The following SEMA3A variants were observed in gnomAD, a reference collection of about 807,000 sequenced individuals.
SEMA3A encodes the protein semaphorin-3A.
SEMA3A carries 29 observed loss-of-function variants against 97.9 expected under a neutral mutation model. The ratio of observed to expected loss-of-function variants is 0.30; its 90% CI spans 0.22 to 0.40. SEMA3A has a LOEUF of 0.40. Ranked by LOEUF, SEMA3A falls within the 10% of genes least tolerant of loss-of-function variation. The probability of loss-of-function intolerance (pLI) is 1.00; values close to 1 mark genes in which losing one functional copy is unlikely to be tolerated. For missense variants in SEMA3A, 763 were observed against 951.3 expected, an observed-to-expected ratio of 0.80 and a Z score of 2.60; for synonymous variants, 321 against 323.7, an observed-to-expected ratio of 0.99 and a Z score of 0.09.
At chr7:84,009,724 GGAGGAT>G (rs980144129) in intron 9 of SEMA3A, among the ~76,000 whole-genome samples, 4 of 151,810 alleles carry the variant, frequency 2.6e-5, no homozygotes, top group African/African-American at 9.7e-5. Flanking sequence ...AGAGACTTAG[GGAGGAT>G]GAGAAATAGG....
At chr7:84,432,752 G>A (rs1805014872) in intron 1 of SEMA3A, among the ~76,000 whole-genome samples, 1 of 151,942 alleles carries the variant, frequency 6.6e-6, no homozygotes, top group Non-Finnish European at 1.5e-5. Flanking sequence ...GTATTTCATG[G>A]TGCATATGTG....
chr7:84,259,893 C>G (rs1328763671), intron 3 of SEMA3A, among the ~76,000 whole-genome samples: 1 of 151,322 alleles, frequency 6.6e-6, no homozygotes, highest in African/African-American at 2.4e-5. Context: ...AAAATGAAGG[C>G]AAGCCCCTGG....
chr7:84,318,083 C>A (rs562294182), intron 2 of SEMA3A, among the ~76,000 whole-genome samples: 1 of 151,724 alleles, frequency 6.6e-6, no homozygotes, highest in Non-Finnish European at 1.5e-5. Flanking sequence ...GCAGTTAGTA[C>A]AATATTGCTC....
intron 1 of SEMA3A, among the ~76,000 whole-genome samples, chr7:84,441,625 A>G (rs1049146598): frequency 3.9e-5 from 6 of 152,166 alleles, no homozygotes; most frequent in African/African-American, 1.4e-4. Context: ...TGTTTCAAGA[A>G]AAGATGGCAA....
At chr7:84,026,040 A>G (rs974931294) in intron 6 of SEMA3A, among the ~76,000 whole-genome samples, 1 of 152,358 alleles carries the variant, frequency 6.6e-6, no homozygotes, top group African/African-American at 2.4e-5. Flanking sequence ...GCTACCTTCT[A>G]GCACTACAAA....
intron 3 of SEMA3A, among the ~76,000 whole-genome samples, chr7:84,122,456 T>G (rs1486738525): frequency 6.6e-6 from 1 of 152,044 alleles, no homozygotes; most frequent in African/African-American, 2.4e-5. Flanking sequence ...AAAAAGCTAG[T>G]CAGGGCGTCT....
At chr7:84,093,828 G>A (rs184515216) in intron 4 of SEMA3A, among the ~76,000 whole-genome samples, 1 of 151,814 alleles carries the variant, frequency 6.6e-6, no homozygotes, top group Non-Finnish European at 1.5e-5. Flanking sequence ...GAAAAATAGC[G>A]AAGGCATGCT....
intron 2 of SEMA3A, among the ~76,000 whole-genome samples, chr7:84,323,767 G>A (rs1226058442): frequency 6.6e-6 from 1 of 152,040 alleles, no homozygotes; most frequent in East Asian, 1.9e-4. Context: ...ATCATTCAAG[G>A]TTTATGCAAC....
chr7:84,033,642 T>C (rs865836308), intron 6 of SEMA3A, among the ~76,000 whole-genome samples: 2 of 152,294 alleles, frequency 1.3e-5, no homozygotes, highest in Middle Eastern at 3.4e-3. Context: ...GGATATAAAA[T>C]AATCTATTCA....
chr7:84,049,571 A>C (rs1385603783), intron 5 of SEMA3A, among the ~76,000 whole-genome samples: 1 of 152,120 alleles, frequency 6.6e-6, no homozygotes, highest in Non-Finnish European at 1.5e-5. Context: ...ATATCTGACT[A>C]TAAGAAATTT....
Position 83,977,194 on chromosome 7 carries a change from C to T in SEMA3A, c.1655G>A (p.Arg552His). The T allele has an allele frequency of 3.2e-6, 5 of 1,572,862 alleles. No individual in the cohort carries two copies. Among genetic ancestry groups the T allele is most frequent in the South Asian group, 1.2e-5 (1 of 85,800 alleles). Residue 552 changes from arginine to histidine, a missense_variant and splice_region_variant, in exon 15 of 17, where the codon CGC becomes CAC. Arg to His is a conservative substitution (Grantham distance 29, BLOSUM62 0). This residue lies in a region of SEMA3A where 678 missense variants were observed against 881.3 expected (regional missense o/e 0.77). Coordinates refer to ENST00000265362, the MANE Select transcript of SEMA3A (RefSeq NM_006080.3). ...ATTTCTTATATCTTGTCGTCTTGTG[C>T]GTCTGAAGCAATTACATTTAAAAGG... The part of the protein sequence containing the change: ...CSRYFPTAKR[R>H]TRRQDIRNGD...
intron 1 of SEMA3A, among the ~76,000 whole-genome samples, chr7:84,386,452 G>A (rs1328221012): frequency 6.6e-6 from 1 of 152,070 alleles, no homozygotes; most frequent in Admixed American, 6.6e-5. Flanking sequence ...GGCCTGCAAG[G>A]AGACACATGA....
At chr7:83,996,300 C>CTTTTTTTTTTTTTTTTTTTTT (rs35148121) in intron 12 of SEMA3A, among the ~76,000 whole-genome samples, 1 of 111,980 alleles carries the variant, frequency 8.9e-6, no homozygotes, top group Non-Finnish European at 1.8e-5. Context: ...TACTAGTAAT[C>CTTTTTTTTTTTTTTTTTTTTT]TTTTTTTTTT....
At chr7:84,381,977 G>T (rs1803273080) in intron 1 of SEMA3A, among the ~76,000 whole-genome samples, 1 of 152,156 alleles carries the variant, frequency 6.6e-6, no homozygotes. Context: ...GTTGAGGGTA[G>T]GAGCCCAGGT....
intron 2 of SEMA3A, among the ~76,000 whole-genome samples, chr7:84,133,167 T>C (rs1007269042): frequency 6.6e-6 from 1 of 152,140 alleles, no homozygotes; most frequent in African/African-American, 2.4e-5. Flanking sequence ...TGAAATCAAT[T>C]GAATTGAAAA....
chr7:84,032,216 G>A lies in SEMA3A; in HGVS notation c.667+14108C>T, dbSNP rs577124452. On this transcript the variant is annotated intron_variant, in intron 6 of 16. Coordinates refer to ENST00000265362, the MANE Select transcript of SEMA3A (RefSeq NM_006080.3). ...ATTAGTCCCTAGGGGTCTAGTGAAAGGGAGATATCTATAAGAATGTGGCCT... is the reference window on the plus strand; with the variant it reads ...ATTAGTCCCTAGGGGTCTAGTGAAAAGGAGATATCTATAAGAATGTGGCCT... 2.1e-4 allele frequency among the ~76,000 whole-genome samples: 32 copies of A among 152,266 alleles called. No individual in the cohort carries two copies. In the East Asian group the frequency reaches 6.2e-3, roughly 30 times the overall value.
chr7:84,211,665 A>G (rs902940959), intron 3 of SEMA3A, among the ~76,000 whole-genome samples: 2 of 152,172 alleles, frequency 1.3e-5, no homozygotes, highest in African/African-American at 2.4e-5. Flanking sequence ...TGGCACAGAT[A>G]AATGGAGACA....
chr7:84,277,682 G>A (rs1584194149), intron 3 of SEMA3A, among the ~76,000 whole-genome samples: 1 of 152,102 alleles, frequency 6.6e-6, no homozygotes, highest in Non-Finnish European at 1.5e-5. Flanking sequence ...GAAGCAGAAC[G>A]CAGACATCTG....
chr7:84,289,951 T>C (rs1481994879), intron 3 of SEMA3A, among the ~76,000 whole-genome samples: 1 of 152,160 alleles, frequency 6.6e-6, no homozygotes, highest in African/African-American at 2.4e-5. Context: ...AGGAGTGAAG[T>C]AATGATACAT....
Sources: allele counts gnomAD v4.1 joint callset (sites outside exome capture counted in the v4.1 genomes callset), GRCh38; gene constraint gnomAD v4.1.1; regional missense constraint gnomAD v4.1.1; transcripts MANE v1.5; gene names NCBI Gene and HGNC (gene_info 2026-07-23, HGNC 2026-07-21).